SKAP2: variants seen among roughly 807,000 people sequenced by gnomAD.
SKAP2 encodes src kinase associated phosphoprotein 2.
In SKAP2, 28 loss-of-function variants were observed where a neutral mutation model predicts 54.9. The ratio of observed to expected loss-of-function variants is 0.51; its 90% confidence interval spans 0.38 to 0.70. The LOEUF (loss-of-function observed/expected upper bound fraction) is 0.70, where lower values mean the gene tolerates loss of function less well. Among genes scored for constraint, SKAP2 ranks in the 30% least tolerant of loss-of-function variants. The probability of loss-of-function intolerance (pLI) is 0.00; values close to 1 mark genes in which losing one functional copy is unlikely to be tolerated. For synonymous variants in SKAP2, 137 were observed against 134.3 expected (o/e 1.02, Z -0.14); for missense variants, 356 against 424.1 (o/e 0.84, Z 1.41).
At chr7:26,860,488 G>T (rs1007681878) in intron 1 of SKAP2, among the ~76,000 whole-genome samples, 2 of 151,952 alleles carry the variant, frequency 1.3e-5, no homozygotes, top group South Asian at 4.2e-4. Context: ...GCCCAAATGG[G>T]GCAGGCTTGT....
chr7:26,756,518 T>C (rs1468007013), intron 4 of SKAP2, among the ~76,000 whole-genome samples: 1 of 152,238 alleles, frequency 6.6e-6, no homozygotes, highest in African/African-American at 2.4e-5. Context: ...CATCCTTTTT[T>C]ATGGCTGCAT....
At chr7:26,693,529 A>C (rs1786834953) in intron 9 of SKAP2, among the ~76,000 whole-genome samples, 1 of 152,114 alleles carries the variant, frequency 6.6e-6, no homozygotes, top group Non-Finnish European at 1.5e-5. Context: ...TGTGCTCTGG[A>C]TTGTATATTG....
intron 1 of SKAP2, among the ~76,000 whole-genome samples, chr7:26,862,348 A>G (rs539578639): frequency 6.6e-6 from 1 of 152,190 alleles, no homozygotes; most frequent in East Asian, 1.9e-4. Flanking sequence ...CTGATTTGTT[A>G]AATTTCTTTA....
intron 6 of SKAP2, among the ~76,000 whole-genome samples, chr7:26,731,528 A>G (rs911763160): frequency 2.0e-5 from 3 of 152,214 alleles, no homozygotes; most frequent in Middle Eastern, 3.4e-3. Context: ...ATTCCTATCA[A>G]TATACTTGTG....
chr7:26,719,262 T>C (rs111933211), intron 9 of SKAP2, among the ~76,000 whole-genome samples: 10 of 152,208 alleles, frequency 6.6e-5, no homozygotes, highest in Admixed American at 2.0e-4. Flanking sequence ...TATGGCTTGT[T>C]GTGAAGTACA....
chr7:26,852,790 ATAAT>A (rs1456799262), intron 3 of SKAP2, among the ~76,000 whole-genome samples: 1 of 152,182 alleles, frequency 6.6e-6, no homozygotes, highest in African/African-American at 2.4e-5. Context: ...AAATGTACAA[ATAAT>A]TAAGCCACAA....
chr7:26,732,946 C>G (rs573779185), intron 6 of SKAP2, among the ~76,000 whole-genome samples: 1 of 152,156 alleles, frequency 6.6e-6, no homozygotes, highest in East Asian at 1.9e-4. Flanking sequence ...CTTCTATATA[C>G]TGTTAGAGAG....
At chr7:26,785,630 A>G (rs528095441) in intron 4 of SKAP2, among the ~76,000 whole-genome samples, 1 of 152,358 alleles carries the variant, frequency 6.6e-6, no homozygotes, top group South Asian at 2.1e-4. Context: ...TAACCAAAAC[A>G]TGGTCTATCC....
Position 26,667,710 on chromosome 7 carries a change from A to G in SKAP2, c.*1956T>C, listed in dbSNP as rs1786132296. 6.6e-6 allele frequency: 1 copy of G among 152,608 alleles called. No homozygotes were observed. Among genetic ancestry groups the G allele is most frequent in the Admixed American group, 6.5e-5 (1 of 15,270 alleles). 9.5% of individuals were successfully genotyped at this position (152,608 alleles called of 1,614,324 possible). The stretch of plus-strand genomic sequence containing the variant: ...TTTCCATCATGGGCGAGTTTGTGCC[A>G]TGGGGGAAGGGTTTCAAGAGGTTTT... On this transcript the variant is annotated 3_prime_UTR_variant, in exon 13 of 13. Coordinates refer to ENST00000345317, the MANE Select transcript of SKAP2 (RefSeq NM_003930.5).
intron 4 of SKAP2, among the ~76,000 whole-genome samples, chr7:26,827,935 G>A (rs1355678775): frequency 6.6e-6 from 1 of 152,144 alleles, no homozygotes; most frequent in Non-Finnish European, 1.5e-5. Context: ...AGTCCCCTAT[G>A]TGACTGACAC....
chr7:26,692,878 C>G (rs1345867763), intron 9 of SKAP2, among the ~76,000 whole-genome samples: 1 of 152,122 alleles, frequency 6.6e-6, no homozygotes, highest in Non-Finnish European at 1.5e-5. Context: ...AGAAAGCTTT[C>G]CTTACTTTTC....
rs536116233 is a variant in SKAP2 at position 26,680,498 on chromosome 7, C to A, written c.987+4238G>T. ...TTCTATCTCAAATATGATTTTCCCC[C>A]ATCAAATGAATCTGAAACCAATTGT... On this transcript the variant is annotated intron_variant, in intron 11 of 12. Transcript: ENST00000345317. Among the ~76,000 whole-genome samples, 24 of 152,262 alleles carry A rather than the reference C, an allele frequency of 1.6e-4. No homozygotes were observed. The South Asian group carries it at 3.7e-3, about 24-fold the overall frequency.
At chr7:26,770,811 T>C (rs919291313) in intron 4 of SKAP2, among the ~76,000 whole-genome samples, 1 of 152,200 alleles carries the variant, frequency 6.6e-6, no homozygotes, top group Non-Finnish European at 1.5e-5. Context: ...CCCAATGAGA[T>C]AAGCTGGGTA....
chr7:26,799,858 C>T (rs1274133843), intron 4 of SKAP2, among the ~76,000 whole-genome samples: 1 of 152,126 alleles, frequency 6.6e-6, no homozygotes, highest in Non-Finnish European at 1.5e-5. Flanking sequence ...GTGGCTCACG[C>T]CTGTAATCCC....
chr7:26,847,576 A>G (rs1784952477), intron 3 of SKAP2, among the ~76,000 whole-genome samples: 1 of 152,208 alleles, frequency 6.6e-6, no homozygotes, highest in South Asian at 2.1e-4. Context: ...TCAGGTAAAC[A>G]TATCCAATAT....
the SKAP2 span, among the ~76,000 whole-genome samples, chr7:26,656,319 T>G: frequency 6.6e-6 from 1 of 152,190 alleles, no homozygotes; most frequent in African/African-American, 2.4e-5. Flanking sequence ...TCCCTATGCA[T>G]TTTTCTACAG....
rs535179854 is a variant in SKAP2, at chr7:26,698,626, G to A, written c.797-8264C>T. 3.8e-4 allele frequency among the ~76,000 whole-genome samples: 58 copies of A among 152,312 alleles called. 3 individuals carry two copies. The South Asian group carries it at 0.012, about 30-fold the overall frequency. On this transcript the variant is annotated intron_variant, in intron 9 of 12. Coordinates refer to ENST00000345317, the MANE Select transcript of SKAP2 (RefSeq NM_003930.5). ...TGACAAAATCAGAAGAATGTATAAAGCATTTCTGCTACACCACCAGATGCG... is the reference window on the plus strand; with the variant it reads ...TGACAAAATCAGAAGAATGTATAAAACATTTCTGCTACACCACCAGATGCG...
intron 6 of SKAP2, among the ~76,000 whole-genome samples, chr7:26,735,397 C>G (rs144537111): frequency 0.019 from 2,827 of 152,176 alleles, 86 homozygotes; most frequent in African/African-American, 0.064. Context: ...GTATTTGTTA[C>G]TTAAGGGTCC....
intron 3 of SKAP2, among the ~76,000 whole-genome samples, chr7:26,846,953 T>C (rs12538196): frequency 0.058 from 8,760 of 152,162 alleles, 461 homozygotes; most frequent in East Asian, 0.3. Context: ...GCCAAGATTA[T>C]GCCACTGCAC....
Sources: gnomAD v4.1 joint callset for allele counts (sites outside exome capture counted in the v4.1 genomes callset) on GRCh38, gnomAD v4.1.1 for gene constraint, MANE v1.5 for transcripts, NCBI Gene and HGNC (gene_info 2026-07-23, HGNC 2026-07-21) for gene names.